Variants in UNC13B observed in about 807,000 individuals in gnomAD.
UNC13B encodes the protein unc-13 homolog B, also known as protein unc-13 homolog B.
In UNC13B, 144 loss-of-function variants were observed where a neutral mutation model predicts 211.0. The observed-to-expected ratio is 0.68, with a 90% confidence interval of 0.60 to 0.78. UNC13B has a LOEUF of 0.78. Among genes scored for constraint, UNC13B ranks in the 30% least tolerant of loss-of-function variants. The probability of loss-of-function intolerance (pLI) is 0.00; values close to 1 mark genes in which losing one functional copy is unlikely to be tolerated. For missense variants in UNC13B, 1,777 were observed against 2,002.0 expected, an observed-to-expected ratio of 0.89 and a Z score of 2.14; for synonymous variants, 709 against 725.8, an observed-to-expected ratio of 0.98 and a Z score of 0.37.
intron 1 of UNC13B, among the ~76,000 whole-genome samples, chr9:35,217,457 C>G (rs1824315911): frequency 1.3e-5 from 2 of 149,752 alleles, no homozygotes; most frequent in African/African-American, 4.9e-5. Context: ...GGCGTGATCT[C>G]AGCTCACTGC....
intron 7 of UNC13B, among the ~76,000 whole-genome samples, chr9:35,278,504 A>C (rs1828300435): frequency 6.6e-6 from 1 of 152,052 alleles, no homozygotes; most frequent in Non-Finnish European, 1.5e-5. Context: ...AGATTCATCC[A>C]CTTCTTCAAT....
rs560846601 is a variant in UNC13B at position 35,182,437 on chromosome 9, A to C, written c.22+20132A>C. 2.9e-4 allele frequency among the ~76,000 whole-genome samples: 44 copies of C among 151,200 alleles called. 1 individual carries two copies. Among genetic ancestry groups the C allele is most frequent in the East Asian group, 1.4e-3 (7 of 5,178 alleles). ...GATTAAAATTTATTTTTTTAACACA[A>C]AATTTTATTTTATTTTATTTTTATT... On this transcript the variant is annotated intron_variant, in intron 1 of 39. Coordinates refer to ENST00000635942, the MANE Select transcript of UNC13B (RefSeq NM_001371189.2).
At chr9:35,184,302 C>T (rs1047913012) in intron 1 of UNC13B, among the ~76,000 whole-genome samples, 12 of 152,074 alleles carry the variant, frequency 7.9e-5, no homozygotes, top group Non-Finnish European at 1.8e-4. Flanking sequence ...ACTTCCCAGA[C>T]GGGGTGGTGG....
intron 8 of UNC13B, among the ~76,000 whole-genome samples, chr9:35,296,290 C>T (rs1000170395): frequency 2.0e-4 from 30 of 152,158 alleles, no homozygotes; most frequent in African/African-American, 7.2e-4. Flanking sequence ...TTGGATAGTC[C>T]TTCTTGCCTA....
At chr9:35,221,793 T>G (rs1824578808) in intron 1 of UNC13B, among the ~76,000 whole-genome samples, 1 of 152,258 alleles carries the variant, frequency 6.6e-6, no homozygotes, top group South Asian at 2.1e-4. Flanking sequence ...TCACATTTAG[T>G]TCTATTCCTG....
chr9:35,386,831 C>T (rs1835222441), intron 24 of UNC13B, among the ~76,000 whole-genome samples: 1 of 152,228 alleles, frequency 6.6e-6, no homozygotes, highest in African/African-American at 2.4e-5. Context: ...CTGTTTTAGC[C>T]TGGCACCCTA....
intron 11 of UNC13B, among the ~76,000 whole-genome samples, chr9:35,325,337 T>C (rs1340653624): frequency 2.0e-5 from 3 of 152,212 alleles, no homozygotes; most frequent in Non-Finnish European, 4.4e-5. Flanking sequence ...TTCTCACTTT[T>C]GGTTGAGAAA....
chr9:35,243,035 C>A (rs1825892682), intron 5 of UNC13B, among the ~76,000 whole-genome samples: 2 of 152,102 alleles, frequency 1.3e-5, no homozygotes, highest in Admixed American at 1.3e-4. Context: ...TAAACTGTGA[C>A]CCTGACCAGA....
In UNC13B at chr9:35,285,842, C is replaced by G. The variant is rs184605671; in HGVS notation, c.527-9854C>G. ...GGAAAGCACAAAAGGAAGGAGATTT[C>G]AGCAGAATTAACTACTAAGTTTGTT... On this transcript the variant is annotated intron_variant, in intron 7 of 39. Transcript: ENST00000635942. 1.6e-3 allele frequency among the ~76,000 whole-genome samples: 242 copies of G among 152,264 alleles called. 1 individual carries two copies. The highest frequency in any genetic ancestry group is 1.9e-4 in the Non-Finnish European group (13 of 68,026).
At chr9:35,366,073 T>G (rs1481615934) in intron 11 of UNC13B, among the ~76,000 whole-genome samples, 1 of 152,142 alleles carries the variant, frequency 6.6e-6, no homozygotes, top group Admixed American at 6.5e-5. Context: ...GCTCATTTGC[T>G]CCAGGATAGT....
At position 35,403,743 on chromosome 9, in the gene UNC13B, C is replaced by T; in HGVS notation, c.12738-5C>T. The T allele has an allele frequency of 6.2e-7, 1 of 1,613,906 alleles. No individual in the cohort carries two copies. The highest frequency in any genetic ancestry group is 8.5e-7 in the Non-Finnish European group (1 of 1,179,876). On this transcript the variant is annotated splice_polypyrimidine_tract_variant and splice_region_variant and intron_variant, in intron 39 of 39. Transcript: ENST00000635942. ...GGCCTCATAACTTCTATCTTGTGCT[C>T]ACAGCCTCCTGGGAAATGAGGAGGG...
At chr9:35,312,530 C>T (rs759100908) in intron 10 of UNC13B, among the ~76,000 whole-genome samples, 15 of 152,170 alleles carry the variant, frequency 9.9e-5, no homozygotes, top group Non-Finnish European at 1.9e-4. Flanking sequence ...GTGCCCAGCA[C>T]AAGTCCTTGT....
chr9:35,293,452 G>C (rs145320720), intron 7 of UNC13B, among the ~76,000 whole-genome samples: 7 of 152,136 alleles, frequency 4.6e-5, no homozygotes, highest in Non-Finnish European at 1.0e-4. Context: ...ACTGAATCTT[G>C]TTTCTCTGGG....
chr9:35,169,660 A>C (rs1821232259), intron 1 of UNC13B, among the ~76,000 whole-genome samples: 1 of 151,938 alleles, frequency 6.6e-6, no homozygotes, highest in Admixed American at 6.6e-5. Context: ...TGTTCCTTTC[A>C]CTTAGGGCCT....
chr9:35,345,801 T>A (rs1394759293), intron 11 of UNC13B, among the ~76,000 whole-genome samples: 1 of 152,216 alleles, frequency 6.6e-6, no homozygotes, highest in Non-Finnish European at 1.5e-5. Context: ...GCATTCAGTC[T>A]CCATTATGAG....
chr9:35,395,518 G>A (rs760708858), intron 26 of UNC13B, among the ~76,000 whole-genome samples: 3 of 152,208 alleles, frequency 2.0e-5, no homozygotes, highest in African/African-American at 4.8e-5. Flanking sequence ...TCAAAGTTGA[G>A]CAACAAAGTC....
Position 35,326,649 on chromosome 9 carries a change from G to A in UNC13B, c.9414+12660G>A, listed in dbSNP as rs367883056. On this transcript the variant is annotated intron_variant, in intron 11 of 39. Coordinates refer to ENST00000635942, the MANE Select transcript of UNC13B (RefSeq NM_001371189.2). ...AGTGATCCTTATGCCTTGGTCTCCC[G>A]AGGCACTGGGATTGCAGGTGTGAAC... 7.8e-4 allele frequency among the ~76,000 whole-genome samples: 118 copies of A among 152,254 alleles called. 1 individual carries two copies. The South Asian group carries it at 0.018, about 23-fold the overall frequency.
intron 12 of UNC13B, among the ~76,000 whole-genome samples, chr9:35,367,753 T>C (rs1833867928): frequency 6.6e-6 from 1 of 152,232 alleles, no homozygotes; most frequent in African/African-American, 2.4e-5. Context: ...CTGTCCGTGC[T>C]TCTTGTTTGG....
At chr9:35,279,799 G>A (rs1039106212) in intron 7 of UNC13B, among the ~76,000 whole-genome samples, 1 of 152,154 alleles carries the variant, frequency 6.6e-6, no homozygotes, top group Non-Finnish European at 1.5e-5. Flanking sequence ...TACAAAGTAT[G>A]AGAGTGCTTC....
Sources: gnomAD v4.1 joint callset for allele counts (sites outside exome capture counted in the v4.1 genomes callset) on GRCh38, gnomAD v4.1.1 for gene constraint, MANE v1.5 for transcripts, NCBI Gene and HGNC (gene_info 2026-07-23, HGNC 2026-07-21) for gene names.